CPQ: variants seen among roughly 807,000 people sequenced by gnomAD.
The protein encoded by CPQ is Ser-Met dipeptidase.
A neutral mutation model predicts 45.7 loss-of-function variants in CPQ; 37 were observed. The ratio of observed to expected loss-of-function variants is 0.81; its 90% CI spans 0.62 to 1.07. CPQ has a LOEUF of 1.07. CPQ is among the 50% of genes least tolerant of loss of function. CPQ has a pLI of 0.00. For synonymous variants in CPQ, 186 were observed against 205.8 expected, an observed-to-expected ratio of 0.90 and a Z score of 0.82; for missense variants, 537 against 572.9, an observed-to-expected ratio of 0.94 and a Z score of 0.64.
intron 6 of CPQ, among the ~76,000 whole-genome samples, chr8:97,060,688 C>T (rs1375926132): frequency 6.6e-6 from 1 of 152,140 alleles, no homozygotes; most frequent in Non-Finnish European, 1.5e-5. Context: ...TTTCTTCCTA[C>T]ACCCTATAAA....
intron 7 of CPQ, among the ~76,000 whole-genome samples, chr8:97,106,255 G>T (rs1811401964): frequency 6.6e-6 from 1 of 152,222 alleles, no homozygotes; most frequent in African/African-American, 2.4e-5. Flanking sequence ...GAAAGCCCCT[G>T]CCCAGACTTC....
intron 7 of CPQ, among the ~76,000 whole-genome samples, chr8:97,067,407 C>T (rs61567370): frequency 0.02 from 3,043 of 152,254 alleles, 95 homozygotes; most frequent in African/African-American, 0.069. Context: ...GTACTATACA[C>T]ATAGGATGCC....
intron 2 of CPQ, among the ~76,000 whole-genome samples, chr8:96,810,721 A>T (rs1305015536): frequency 2.6e-5 from 4 of 152,186 alleles, no homozygotes; most frequent in Admixed American, 1.3e-4. Context: ...TGATATGTTC[A>T]CCTGACTCCT....
chr8:96,888,681 A>G (rs1812335175), intron 4 of CPQ, among the ~76,000 whole-genome samples: 1 of 152,166 alleles, frequency 6.6e-6, no homozygotes, highest in Non-Finnish European at 1.5e-5. Context: ...TAATGTGCTG[A>G]TGTGCACTGG....
At chr8:96,922,908 G>T (rs1034332888) in intron 4 of CPQ, among the ~76,000 whole-genome samples, 1 of 150,050 alleles carries the variant, frequency 6.7e-6, no homozygotes, top group South Asian at 2.1e-4. Flanking sequence ...TGGGCTTACT[G>T]TGTCCATACC....
At chr8:96,690,302 G>A (rs1178614971) in intron 1 of CPQ, among the ~76,000 whole-genome samples, 2 of 152,052 alleles carry the variant, frequency 1.3e-5, no homozygotes, top group Non-Finnish European at 2.9e-5. Context: ...TTCTGGATCA[G>A]CTACCTGTAA....
At chr8:96,892,582 A>G (rs1309253039) in intron 4 of CPQ, among the ~76,000 whole-genome samples, 2 of 152,174 alleles carry the variant, frequency 1.3e-5, no homozygotes, top group African/African-American at 4.8e-5. Context: ...TTCTTATTAT[A>G]AACTTTTTAT....
intron 4 of CPQ, among the ~76,000 whole-genome samples, chr8:96,943,474 T>C (rs1423721118): frequency 6.6e-6 from 1 of 152,180 alleles, no homozygotes; most frequent in African/African-American, 2.4e-5. Context: ...TTTCTATATA[T>C]TCTGCTAATA....
chr8:97,032,827 G>C (rs1001287885), intron 6 of CPQ, among the ~76,000 whole-genome samples: 3 of 152,176 alleles, frequency 2.0e-5, no homozygotes, highest in Non-Finnish European at 4.4e-5. Flanking sequence ...ACATAAGAAA[G>C]TTAGTATAAC....
At chr8:96,735,152 AT>A (rs1399722609) in intron 1 of CPQ, among the ~76,000 whole-genome samples, 10 of 152,126 alleles carry the variant, frequency 6.6e-5, no homozygotes, top group Non-Finnish European at 1.0e-4. Context: ...TTTTATCTAT[AT>A]GATTATTTGT....
At chr8:97,000,707 G>A (rs1217153209) in intron 5 of CPQ, among the ~76,000 whole-genome samples, 2 of 152,090 alleles carry the variant, frequency 1.3e-5, no homozygotes, top group Non-Finnish European at 2.9e-5. Context: ...GCTTAGGATT[G>A]CCTTGGCTAT....
rs537991949 is a variant in CPQ at position 96,803,603 on chromosome 8, A to G, written c.433+18273A>G. 2.0e-5 allele frequency among the ~76,000 whole-genome samples: 3 copies of G among 152,200 alleles called. No individual in the cohort carries two copies. In the East Asian group the frequency reaches 5.8e-4, roughly 29 times the overall value. ...ATGAGTTTGGTTTTCAATACACTGAACCTTTTGAGGTTGATTCCATAAAAG... is the reference window on the plus strand; with the variant it reads ...ATGAGTTTGGTTTTCAATACACTGAGCCTTTTGAGGTTGATTCCATAAAAG... On this transcript the variant is annotated intron_variant, in intron 2 of 7. Transcript: ENST00000220763.
chr8:97,115,418 A>C (rs1811568428), intron 7 of CPQ, among the ~76,000 whole-genome samples: 1 of 152,208 alleles, frequency 6.6e-6, no homozygotes, highest in Non-Finnish European at 1.5e-5. Context: ...TTGCTCAGTT[A>C]GCAGAATGTT....
At chr8:97,060,214 T>C (rs904873926) in intron 6 of CPQ, among the ~76,000 whole-genome samples, 1 of 152,154 alleles carries the variant, frequency 6.6e-6, no homozygotes, top group Admixed American at 6.5e-5. Context: ...TCCTTGTGTT[T>C]ATATTAGGAA....
At chr8:96,844,605 A>G (rs1811659609) in intron 3 of CPQ, among the ~76,000 whole-genome samples, 1 of 152,220 alleles carries the variant, frequency 6.6e-6, no homozygotes. Context: ...CAAGCCCTTG[A>G]CACAGACTGA....
chr8:96,766,521 G>T (rs1563491443), intron 1 of CPQ, among the ~76,000 whole-genome samples: 1 of 152,158 alleles, frequency 6.6e-6, no homozygotes, highest in African/African-American at 2.4e-5. Flanking sequence ...CTGTAGGTGG[G>T]TGTGGAACAG....
chr8:96,655,677 G>C (rs957395608), intron 1 of CPQ, among the ~76,000 whole-genome samples: 4 of 152,232 alleles, frequency 2.6e-5, no homozygotes, highest in African/African-American at 9.6e-5. Context: ...TTGTAAGTAA[G>C]AAATGTGTTT....
At position 96,784,344 on chromosome 8, in the gene CPQ, C is replaced by T. The variant is rs926212497; in HGVS notation, c.-34-520C>T. Among the ~76,000 whole-genome samples the T allele has an allele frequency of 1.1e-4, 16 of 147,030 alleles. 1 individual carries two copies. Among genetic ancestry groups the T allele is most frequent in the African/African-American group, 4.1e-4 (16 of 39,358 alleles). ...TGGCTTCCAATAAATACCTTTTGAA[C>T]ATAAGCATAAAGTACTTTTCAAGCA... On this transcript the variant is annotated intron_variant, in intron 1 of 7. Coordinates refer to ENST00000220763, the MANE Select transcript of CPQ (RefSeq NM_016134.4).
chr8:96,652,909 C>T (rs1283326652), intron 1 of CPQ, among the ~76,000 whole-genome samples: 5 of 152,212 alleles, frequency 3.3e-5, no homozygotes, highest in Admixed American at 2.0e-4. Flanking sequence ...ACTGGGATTA[C>T]AGGCGTGAGC....
Sources: gnomAD v4.1 joint callset for allele counts (sites outside exome capture counted in the v4.1 genomes callset) on GRCh38, gnomAD v4.1.1 for gene constraint, MANE v1.5 for transcripts, NCBI Gene and HGNC (gene_info 2026-07-23, HGNC 2026-07-21) for gene names.